SGCD: variants seen among roughly 807,000 people sequenced by gnomAD.
The protein encoded by SGCD is sarcoglycan delta.
A neutral mutation model predicts 36.6 loss-of-function variants in SGCD; 18 were observed. That is an observed-to-expected ratio of 0.49 (90% CI 0.34 to 0.73). SGCD has a LOEUF of 0.73. Among genes scored for constraint, SGCD ranks in the 30% least tolerant of loss-of-function variants. The pLI is 0.01. For synonymous variants in SGCD, 133 were observed against 130.6 expected, an observed-to-expected ratio of 1.02 and a Z score of -0.12; for missense variants, 387 against 346.7, an observed-to-expected ratio of 1.12 and a Z score of -0.92.
At chr5:156,084,892 C>T (rs565889421) in intron 1 of SGCD, among the ~76,000 whole-genome samples, 47 of 152,284 alleles carry the variant, frequency 3.1e-4, no homozygotes, top group African/African-American at 1.1e-3. Context: ...TGAATTTTAT[C>T]ATGAATGGAT....
intron 3 of SGCD, among the ~76,000 whole-genome samples, chr5:156,382,661 C>T (rs1470250040): frequency 6.6e-6 from 1 of 152,076 alleles, no homozygotes; most frequent in Non-Finnish European, 1.5e-5. Flanking sequence ...ATATAATATT[C>T]TCTAAATCTA....
At chr5:156,571,901 CA>C (rs1561786330) in intron 4 of SGCD, among the ~76,000 whole-genome samples, 1 of 152,196 alleles carries the variant, frequency 6.6e-6, no homozygotes, top group Non-Finnish European at 1.5e-5. Flanking sequence ...CATATCCATT[CA>C]GCAATCACTT....
chr5:156,567,016 T>G (rs749263361), intron 4 of SGCD, among the ~76,000 whole-genome samples: 2 of 152,186 alleles, frequency 1.3e-5, no homozygotes, highest in Non-Finnish European at 1.5e-5. Context: ...TCTCATTAAG[T>G]TGACATCTGT....
chr5:156,303,789 C>T (rs188564630), intron 3 of SGCD, among the ~76,000 whole-genome samples: 26 of 151,794 alleles, frequency 1.7e-4, no homozygotes, highest in African/African-American at 5.8e-4. Context: ...CTCTGGATTC[C>T]ACTTGGTAAC....
chr5:155,945,116 CAGTT>C (rs201487233), intron 1 of SGCD, among the ~76,000 whole-genome samples: 7 of 152,100 alleles, frequency 4.6e-5, no homozygotes, highest in East Asian at 3.9e-4. Context: ...GAATTAATAT[CAGTT>C]AGAACTGTCT....
At chr5:156,728,476 A>C (rs1755887278) in intron 7 of SGCD, among the ~76,000 whole-genome samples, 1 of 119,766 alleles carries the variant, frequency 8.3e-6, no homozygotes, top group Non-Finnish European at 1.6e-5. Flanking sequence ...GCGCCACTGC[A>C]CTCCAGCCTG....
the SGCD span, among the ~76,000 whole-genome samples, chr5:155,762,866 T>C: frequency 1.3e-5 from 2 of 152,234 alleles, 1 homozygote; most frequent in South Asian, 4.1e-4. Context: ...AATAGAAACA[T>C]GTATTAGGAA....
chr5:156,481,518 A>T (rs181943304), intron 3 of SGCD, among the ~76,000 whole-genome samples: 4 of 152,314 alleles, frequency 2.6e-5, no homozygotes, highest in Non-Finnish European at 4.4e-5. Flanking sequence ...TGGATCCAAA[A>T]AAACTACATC....
chr5:156,636,243 G>A (rs1055575604), intron 6 of SGCD, among the ~76,000 whole-genome samples: 35 of 152,096 alleles, frequency 2.3e-4, no homozygotes, highest in Admixed American at 1.9e-3. Flanking sequence ...ACTACTTACT[G>A]GAAAAGAAGT....
Position 156,731,757 on chromosome 5 carries a change from C to T in SGCD, c.576-25824C>T, listed in dbSNP as rs559586491. On this transcript the variant is annotated intron_variant, in intron 7 of 8. Coordinates refer to ENST00000337851, the MANE Select transcript of SGCD (RefSeq NM_000337.6). ...GGCATAGCATTGAATCTATAAATTG[C>T]TTTGGGCAGTATGGCTATTTTCACA... is the stretch of plus-strand genomic sequence containing the variant. Among the ~76,000 whole-genome samples, 6 of 152,264 alleles carry T rather than the reference C, an allele frequency of 3.9e-5. No individual in the cohort carries two copies. In the East Asian group the frequency reaches 1.2e-3, roughly 29 times the overall value.
intron 1 of SGCD, among the ~76,000 whole-genome samples, chr5:155,903,830 T>A (rs1048714259): frequency 4.7e-4 from 71 of 152,204 alleles, no homozygotes; most frequent in African/African-American, 1.7e-3. Context: ...AATACCTAGT[T>A]TCTTCCTGGG....
At chr5:155,869,775 C>T (rs1258322390), upstream of SGCD, among the ~76,000 whole-genome samples, 13 of 151,962 alleles carry the variant, frequency 8.6e-5, no homozygotes, top group South Asian at 2.1e-4. Context: ...CCAAGGTGGG[C>T]GGATCACGAG....
chr5:156,498,705 C>G (rs890534540), intron 3 of SGCD, among the ~76,000 whole-genome samples: 1 of 152,164 alleles, frequency 6.6e-6, no homozygotes, highest in Non-Finnish European at 1.5e-5. Context: ...CATTTTGGCT[C>G]TGATGAATTA....
chr5:156,458,810 T>TA (rs1486109884), intron 3 of SGCD, among the ~76,000 whole-genome samples: 1 of 152,186 alleles, frequency 6.6e-6, no homozygotes, highest in Non-Finnish European at 1.5e-5. Context: ...GGGAGAGCCT[T>TA]TGTTAAGTGT....
At chr5:155,826,228 G>A in the SGCD span, among the ~76,000 whole-genome samples, 6,399 of 152,206 alleles carry the variant, frequency 0.042, 200 homozygotes, top group East Asian at 0.13. Context: ...TTCTCATGTT[G>A]ATTACAGCAT....
At chr5:156,531,454 T>C (rs996425881) in intron 4 of SGCD, among the ~76,000 whole-genome samples, 1 of 152,124 alleles carries the variant, frequency 6.6e-6, no homozygotes, top group African/African-American at 2.4e-5. Flanking sequence ...TTACACAAAG[T>C]ATAAGAAGAT....
rs185321301 is a variant in SGCD at position 156,114,341 on chromosome 5, G to A, written c.-281-3537G>A. ...TAATAAGTAATCTATATATAAAGAC[G>A]TAGCCCCCTCCTCTCCATCACAGGT... On this transcript the variant is annotated intron_variant, in intron 1 of 9. Transcript: ENST00000517913. Among the ~76,000 whole-genome samples, 308 of 152,106 alleles carry A rather than the reference G, an allele frequency of 2.0e-3. 1 individual carries two copies. The highest frequency in any genetic ancestry group is 6.9e-3 in the African/African-American group (288 of 41,500).
intron 7 of SGCD, among the ~76,000 whole-genome samples, chr5:156,665,334 A>G (rs1013577704): frequency 7.9e-5 from 12 of 152,302 alleles, no homozygotes; most frequent in Admixed American, 1.3e-4. Context: ...GATTATAGTC[A>G]ACATTTTGCG....
chr5:155,935,566 A>T (rs944233988), intron 1 of SGCD, among the ~76,000 whole-genome samples: 5 of 152,238 alleles, frequency 3.3e-5, no homozygotes, highest in African/African-American at 9.6e-5. Flanking sequence ...GTCATATCTG[A>T]TTTGAACCTT....
Sources: allele counts gnomAD v4.1 joint callset (sites outside exome capture counted in the v4.1 genomes callset), GRCh38; gene constraint gnomAD v4.1.1; transcripts MANE v1.5; gene names NCBI Gene and HGNC (gene_info 2026-07-23, HGNC 2026-07-21).